MITD1: variants seen among roughly 807,000 people sequenced by gnomAD.
The protein encoded by MITD1 is MIT domain-containing protein 1.
A neutral mutation model predicts 34.9 loss-of-function variants in MITD1; 24 were observed. That is an observed-to-expected ratio of 0.69 (90% confidence interval 0.50 to 0.97). MITD1 has a LOEUF of 0.97. Among genes scored for constraint, MITD1 ranks in the 50% least tolerant of loss-of-function variants. The pLI, the probability that MITD1 is intolerant of heterozygous loss-of-function variation, is 0.00. For synonymous variants in MITD1, 102 were observed against 101.4 expected, an observed-to-expected ratio of 1.01 and a Z score of -0.04; for missense variants, 266 against 294.6, an observed-to-expected ratio of 0.90 and a Z score of 0.71.
At chr2:99,175,402 T>G (rs1383854459) in intron 1 of MITD1, among the ~76,000 whole-genome samples, 3 of 152,218 alleles carry the variant, frequency 2.0e-5, no homozygotes, top group African/African-American at 7.2e-5. Flanking sequence ...GCAGAATGTC[T>G]CTCATTTTGG....
At chr2:99,177,544 ATTGT>A (rs1211728792) in intron 1 of MITD1, among the ~76,000 whole-genome samples, 1 of 152,190 alleles carries the variant, frequency 6.6e-6, no homozygotes, top group African/African-American at 2.4e-5. Context: ...TTAAATATTT[ATTGT>A]TTCTTTGTGG....
chr2:99,180,180 C>T (rs527238362), intron 1 of MITD1, among the ~76,000 whole-genome samples: 1 of 152,156 alleles, frequency 6.6e-6, no homozygotes, highest in Non-Finnish European at 1.5e-5. Context: ...CGAACCTCAT[C>T]CGTTTAAGAA....
intron 1 of MITD1, among the ~76,000 whole-genome samples, chr2:99,176,339 T>C (rs2093886254): frequency 6.6e-6 from 1 of 151,472 alleles, no homozygotes; most frequent in South Asian, 2.1e-4. Flanking sequence ...CATAAACTTT[T>C]TTTTTTTTTT....
intron 2 of MITD1, chr2:99,173,704 C>T: frequency 1.7e-6 from 1 of 579,812 alleles, no homozygotes; most frequent in East Asian, 3.0e-5. Context: ...ATATTCCCAC[C>T]CCCAACTAAA....
In MITD1 at chr2:99,171,535, T is replaced by C; in HGVS notation, c.365A>G (p.Asp122Gly). The C allele has an allele frequency of 1.9e-6, 3 of 1,611,270 alleles. No homozygotes were observed. The highest frequency in any genetic ancestry group is 2.5e-6 in the Non-Finnish European group (3 of 1,177,666). The part of the protein sequence containing the change: ...NETVTEVWIE[D>G]PYIRHTHQLY... ...CTGATGAGTATGTCTAATATAAGGA[T>C]CTTCTATCCAAACTTCTGTAACTGT... Residue 122 changes from aspartate to glycine, a missense_variant, in exon 3 of 7, where the codon GAT becomes GGT. Coordinates refer to ENST00000289359, the MANE Select transcript of MITD1 (RefSeq NM_138798.3).
chr2:99,169,823 T>C (rs1235622198), intron 5 of MITD1, among the ~76,000 whole-genome samples: 2 of 152,150 alleles, frequency 1.3e-5, no homozygotes, highest in Non-Finnish European at 2.9e-5. Context: ...TATCTGATAG[T>C]TTAATCTTGA....
chr2:99,168,540 G>T (rs550817886), downstream of MITD1, among the ~76,000 whole-genome samples: 1 of 152,226 alleles, frequency 6.6e-6, no homozygotes, highest in East Asian at 1.9e-4. Flanking sequence ...CACACAACTG[G>T]CATCTGGATG....
chr2:99,165,129 A>G (rs2093822447), downstream of MITD1, among the ~76,000 whole-genome samples: 1 of 151,950 alleles, frequency 6.6e-6, no homozygotes, highest in East Asian at 1.9e-4. Flanking sequence ...ATACAGAGGT[A>G]TGATCTCAGC....
downstream of MITD1, among the ~76,000 whole-genome samples, chr2:99,168,864 C>T (rs186731905): frequency 6.6e-6 from 1 of 151,076 alleles, no homozygotes; most frequent in African/African-American, 2.4e-5. Flanking sequence ...ACTGCAGCCT[C>T]AACCTCCTAG....
At chr2:99,177,183 G>A (rs1214910989) in intron 1 of MITD1, among the ~76,000 whole-genome samples, 1 of 152,116 alleles carries the variant, frequency 6.6e-6, no homozygotes, top group Non-Finnish European at 1.5e-5. Flanking sequence ...AAATTATGTA[G>A]TAGTTCAGTC....
chr2:99,162,676 A>G, intron 7 of MITD1: 1 of 1,614,132 alleles, frequency 6.2e-7, no homozygotes, highest in African/African-American at 1.3e-5. Flanking sequence ...GCTTATCATC[A>G]AATTGATAAT....
chr2:99,174,204 C>T (rs2093874401), intron 1 of MITD1, among the ~76,000 whole-genome samples, 188 bp from the exon 2 acceptor site: 3 of 152,074 alleles, frequency 2.0e-5, no homozygotes, highest in Admixed American at 2.0e-4. Flanking sequence ...TTACACGAAG[C>T]GTGATGCAGC....
At chr2:99,165,761 G>C (rs931941345), downstream of MITD1, among the ~76,000 whole-genome samples, 1 of 152,160 alleles carries the variant, frequency 6.6e-6, no homozygotes, top group Non-Finnish European at 1.5e-5. Flanking sequence ...TTGAAGCTCA[G>C]ACGTGGGCAC....
Position 99,181,039 on chromosome 2 carries a change from C to T in MITD1, c.-58G>A. 9.6e-6 allele frequency: 15 copies of T among 1,564,514 alleles called. No individual in the cohort carries two copies. The highest frequency in any genetic ancestry group is 1.2e-5 in the Non-Finnish European group (14 of 1,153,382). On this transcript the variant is annotated 5_prime_UTR_variant, in exon 1 of 7. Coordinates refer to ENST00000289359, the MANE Select transcript of MITD1 (RefSeq NM_138798.3). ...GATGAAGTTGAGCGGGTCTGCTGCGCTTCCGGGAAGTGGTCATGTGATACC... is the reference window on the plus strand; with the variant it reads ...GATGAAGTTGAGCGGGTCTGCTGCGTTTCCGGGAAGTGGTCATGTGATACC...
downstream of MITD1, among the ~76,000 whole-genome samples, chr2:99,168,820 C>T (rs2093839044): frequency 6.6e-6 from 1 of 152,026 alleles, no homozygotes. Context: ...GGCTCTGTCA[C>T]CCAGGCTAGA....
intron 7 of MITD1, among the ~76,000 whole-genome samples, chr2:99,164,011 T>G (rs1377438197): frequency 6.6e-6 from 1 of 152,198 alleles, no homozygotes; most frequent in East Asian, 1.9e-4. Context: ...TAGCCACTTT[T>G]TAATTTTAGT....
intron 1 of MITD1, among the ~76,000 whole-genome samples, chr2:99,177,603 A>G (rs546829391): frequency 6.6e-6 from 1 of 152,290 alleles, no homozygotes; most frequent in East Asian, 1.9e-4. Context: ...TGAAACATAC[A>G]ACACATTATT....
chr2:99,173,911 TTA>T lies in MITD1; in HGVS notation c.253+2_253+3del. On this transcript the variant is annotated splice_donor_variant and splice_donor_region_variant and intron_variant, in intron 2 of 6. Coordinates refer to ENST00000289359, the MANE Select transcript of MITD1 (RefSeq NM_138798.3). LOFTEE classifies it high-confidence loss of function. ...GGATGCATTTTCTAAAACAACCTCTTTACCTTCTTTTTCTTGGTCCAAGTACT... is the reference window on the plus strand; with the variant it reads ...GGATGCATTTTCTAAAACAACCTCTTCCTTCTTTTTCTTGGTCCAAGTACT... The T allele has an allele frequency of 6.3e-7, 1 of 1,579,314 alleles. No individual in the cohort carries two copies.
At chr2:99,177,570 A>G (rs887035556) in intron 1 of MITD1, among the ~76,000 whole-genome samples, 3 of 152,190 alleles carry the variant, frequency 2.0e-5, no homozygotes, top group African/African-American at 7.2e-5. Flanking sequence ...AAGAACATTG[A>G]AAATCCTTCA....
Sources: allele counts gnomAD v4.1 joint callset (sites outside exome capture counted in the v4.1 genomes callset), GRCh38; gene constraint gnomAD v4.1.1; transcripts MANE v1.5; gene names NCBI Gene and HGNC (gene_info 2026-07-23, HGNC 2026-07-21).